The following COLGALT2 variants were observed in gnomAD, a reference collection of about 807,000 sequenced individuals.
COLGALT2 encodes collagen beta(1-O)galactosyltransferase 2, also known as procollagen galactosyltransferase 2.
Under a neutral mutation model 73.4 loss-of-function variants are expected in COLGALT2, and 49 were observed. The observed-to-expected ratio is 0.67, with a 90% CI of 0.53 to 0.85. COLGALT2 has a LOEUF of 0.85. COLGALT2 is among the 40% of genes least tolerant of loss of function. The pLI is 0.00. For synonymous variants in COLGALT2, 295 were observed against 307.6 expected, an observed-to-expected ratio of 0.96 and a Z score of 0.43; for missense variants, 722 against 790.2, an observed-to-expected ratio of 0.91 and a Z score of 1.03.
At chr1:184,024,342 TTTTTTC>T (rs949197249) in intron 1 of COLGALT2, among the ~76,000 whole-genome samples, 19 of 151,478 alleles carry the variant, frequency 1.3e-4, no homozygotes, top group Admixed American at 3.9e-4. Context: ...ACCTTTCAGC[TTTTTTC>T]TTTTTCTTTT....
chr1:184,032,352 T>C (rs1649539166), intron 1 of COLGALT2, among the ~76,000 whole-genome samples: 2 of 152,162 alleles, frequency 1.3e-5, no homozygotes, highest in Non-Finnish European at 2.9e-5. Context: ...CAACTATCAT[T>C]GTTAGTAGCA....
At chr1:183,968,086 T>C (rs1041506863) in intron 5 of COLGALT2, among the ~76,000 whole-genome samples, 1 of 152,240 alleles carries the variant, frequency 6.6e-6, no homozygotes, top group Non-Finnish European at 1.5e-5. Context: ...CATTCTCATC[T>C]GCCAGCCACT....
chr1:183,937,901 AAGCTCTGT>A lies in COLGALT2; in HGVS notation c.*852_*859del. ...GCTAAGGGGTGGAGCGGAGAGCGTG[AAGCTCTGT>A]AGCAGCGCGCAAACCCGGGACAGGG... On this transcript the variant is annotated 3_prime_UTR_variant, in exon 12 of 12. Transcript: ENST00000361927. 1.0e-6 allele frequency: 1 copy of A among 985,460 alleles called. No individual in the cohort carries two copies. Among genetic ancestry groups the A allele is most frequent in the East Asian group, 1.1e-4 (1 of 8,818 alleles). The allele number at this position is 985,460 out of a possible 1,614,324, so 61.0% of individuals were successfully genotyped here. A position where few individuals can be genotyped will look rare whatever the true frequency, so the allele number is the denominator to read the frequency against.
At chr1:184,009,188 T>TGAATGTG in intron 1 of COLGALT2, among the ~76,000 whole-genome samples, 1 of 152,304 alleles carries the variant, frequency 6.6e-6, no homozygotes, top group East Asian at 1.9e-4. Context: ...CTCCACATCC[T>TGAATGTG]GAGAAATGAA....
At chr1:183,951,959 A>G (rs1670413976) in intron 7 of COLGALT2, among the ~76,000 whole-genome samples, 1 of 152,240 alleles carries the variant, frequency 6.6e-6, no homozygotes, top group African/African-American at 2.4e-5. Flanking sequence ...ACAAAGCTAT[A>G]GTAACCAAAA....
intron 6 of COLGALT2, among the ~76,000 whole-genome samples, chr1:183,960,147 C>T (rs1670659208): frequency 6.6e-6 from 1 of 152,130 alleles, no homozygotes; most frequent in African/African-American, 2.4e-5. Context: ...TCTTCTAACA[C>T]CTTCATTGGC....
chr1:184,014,638 T>C (rs1648939479), intron 1 of COLGALT2, among the ~76,000 whole-genome samples: 1 of 152,160 alleles, frequency 6.6e-6, no homozygotes, highest in African/African-American at 2.4e-5. Context: ...TATCAACAAG[T>C]AATAAATAAA....
At chr1:184,019,342 C>T (rs1419471074) in intron 1 of COLGALT2, among the ~76,000 whole-genome samples, 2 of 152,176 alleles carry the variant, frequency 1.3e-5, no homozygotes, top group Admixed American at 6.5e-5. Context: ...GACTTTTCCT[C>T]AGGACAGAGC....
intron 1 of COLGALT2, among the ~76,000 whole-genome samples, chr1:183,986,269 T>G (rs963528296): frequency 2.6e-5 from 4 of 152,222 alleles, no homozygotes; most frequent in African/African-American, 4.8e-5. Flanking sequence ...AAAAGCCTTT[T>G]CCTAGATCCT....
chr1:184,001,215 AATCT>A (rs1671915881), intron 1 of COLGALT2, among the ~76,000 whole-genome samples: 1 of 152,044 alleles, frequency 6.6e-6, no homozygotes, highest in Non-Finnish European at 1.5e-5. Flanking sequence ...CTTTTTTGGT[AATCT>A]ATCCTTTCTC....
intron 1 of COLGALT2, among the ~76,000 whole-genome samples, chr1:183,988,923 T>C (rs1250740884): frequency 6.6e-6 from 1 of 152,220 alleles, no homozygotes; most frequent in East Asian, 1.9e-4. Context: ...TTGTGGAGAA[T>C]CTACTATGTT....
Position 183,938,925 on chromosome 1 carries a change from C to A in COLGALT2, c.1717G>T (p.Glu573Ter). Residue 573 changes from glutamate (E) to a stop codon, truncating the protein, a stop_gained, in exon 12 of 12, where the codon GAG becomes TAG. Transcript: ENST00000361927. LOFTEE classifies it high-confidence loss of function. The stretch of plus-strand genomic sequence containing the variant: ...TCATTGTCCCAGATGGTGGAGGTCT[C>A]CGTGTCACTCAGGTACCCCGGCTGG... The part of the protein sequence containing the change: ...TGQPGYLSDT[E>*]TSTIWDNETV... 1 of 1,614,138 alleles carries A rather than the reference C, an allele frequency of 6.2e-7. No homozygotes were observed. Among genetic ancestry groups the A allele is most frequent in the Non-Finnish European group, 8.5e-7 (1 of 1,180,030 alleles).
intron 7 of COLGALT2, among the ~76,000 whole-genome samples, chr1:183,951,334 T>A (rs1360735024): frequency 6.6e-6 from 1 of 152,236 alleles, no homozygotes; most frequent in Non-Finnish European, 1.5e-5. Context: ...GACTTAACTC[T>A]CTTTGTTTTT....
At chr1:183,988,663 C>T (rs912783112) in intron 1 of COLGALT2, among the ~76,000 whole-genome samples, 1 of 152,160 alleles carries the variant, frequency 6.6e-6, no homozygotes, top group African/African-American at 2.4e-5. Context: ...TAGCACGTAC[C>T]AGTACTTCAC....
rs1229015140 is a variant in COLGALT2 at position 184,037,115 on chromosome 1, G to C, written c.243C>G (p.Pro81=). 1 of 1,593,796 alleles carries C rather than the reference G, an allele frequency of 6.3e-7. No homozygotes were observed. The highest frequency in any genetic ancestry group is 2.3e-5 in the East Asian group (1 of 42,684). ...CTCACCAGATGGCCATCCTGCTCTT[G>C]GGGTAGTCCAGCCGCTCCAGGCAGC... ...FLGCLERLDY[P]KSRMAIWAAT... The change falls in exon 1 of 12, where the codon CCC becomes CCG. Residue 81 remains proline, a synonymous_variant. Coordinates refer to ENST00000361927, the MANE Select transcript of COLGALT2 (RefSeq NM_015101.4).
chr1:183,937,352 T>G lies in COLGALT2; in HGVS notation c.*1409A>C. On this transcript the variant is annotated 3_prime_UTR_variant, in exon 12 of 12. Transcript: ENST00000361927. ...ATAAACTTGAGGGAAACCACCATGA[T>G]CTATACTAGGATGACAGATTGTGGA... is the stretch of plus-strand genomic sequence containing the variant. The G allele has an allele frequency of 2.0e-6, 2 of 1,020,262 alleles. No individual in the cohort carries two copies. Among genetic ancestry groups the G allele is most frequent in the Non-Finnish European group, 2.3e-6 (2 of 853,406 alleles). 63.2% of individuals were successfully genotyped at this position (1,020,262 alleles called of 1,614,324 possible).
intron 6 of COLGALT2, among the ~76,000 whole-genome samples, chr1:183,958,782 T>C (rs1670619583): frequency 6.7e-6 from 1 of 150,066 alleles, no homozygotes. Flanking sequence ...ATAATTACCT[T>C]CTCTTTTACA....
chr1:183,993,601 C>G (rs1415086235), intron 1 of COLGALT2, among the ~76,000 whole-genome samples: 1 of 152,138 alleles, frequency 6.6e-6, no homozygotes, highest in African/African-American at 2.4e-5. Flanking sequence ...CAAAGGGCAG[C>G]TCTGAACACC....
chr1:184,017,015 T>C (rs1156247292), intron 1 of COLGALT2, among the ~76,000 whole-genome samples: 3 of 152,228 alleles, frequency 2.0e-5, no homozygotes, highest in Admixed American at 2.0e-4. Context: ...ACTGTGTTGA[T>C]GACAGTGTTA....
Sources: gnomAD v4.1 joint callset for allele counts (sites outside exome capture counted in the v4.1 genomes callset) on GRCh38, gnomAD v4.1.1 for gene constraint, MANE v1.5 for transcripts, NCBI Gene and HGNC (gene_info 2026-07-23, HGNC 2026-07-21) for gene names.